The following GALNTL6 variants were observed in gnomAD, a reference collection of about 807,000 sequenced individuals.
GALNTL6 encodes the protein polypeptide N-acetylgalactosaminyltransferase-like 6.
Under a neutral mutation model 73.7 loss-of-function variants are expected in GALNTL6, and 46 were observed. The observed-to-expected ratio is 0.62, with a 90% confidence interval of 0.49 to 0.80. GALNTL6 has a LOEUF of 0.80. Among genes scored for constraint, GALNTL6 ranks in the 30% least tolerant of loss-of-function variants. The pLI is 0.00. For synonymous variants in GALNTL6, 259 were observed against 263.7 expected (o/e 0.98, Z 0.17); for missense variants, 604 against 755.0 (o/e 0.80, Z 2.34).
chr4:172,622,325 AG>A (rs1560840418), intron 5 of GALNTL6, among the ~76,000 whole-genome samples: 1 of 152,216 alleles, frequency 6.6e-6, no homozygotes, highest in Admixed American at 6.5e-5. Context: ...AATGGATAAA[AG>A]TAGACCCACT....
intron 5 of GALNTL6, among the ~76,000 whole-genome samples, chr4:172,786,982 C>T (rs1188795616): frequency 6.6e-6 from 1 of 152,130 alleles, no homozygotes; most frequent in African/African-American, 2.4e-5. Context: ...GATCAGTTAG[C>T]TGTTAGTAAT....
At chr4:172,625,102 A>G (rs1739114921) in intron 5 of GALNTL6, among the ~76,000 whole-genome samples, 2 of 152,032 alleles carry the variant, frequency 1.3e-5, no homozygotes, top group South Asian at 4.1e-4. Context: ...TATGAAATAA[A>G]GAAAAATATA....
chr4:172,664,356 T>G (rs1052097235), intron 5 of GALNTL6, among the ~76,000 whole-genome samples: 1 of 152,224 alleles, frequency 6.6e-6, no homozygotes, highest in Admixed American at 6.5e-5. Context: ...CCTTTAAGTT[T>G]CAGCTTGTGA....
chr4:172,054,748 A>G (rs1269403631), intron 2 of GALNTL6, among the ~76,000 whole-genome samples: 1 of 152,222 alleles, frequency 6.6e-6, no homozygotes, highest in Non-Finnish European at 1.5e-5. Context: ...AAGTAACCGT[A>G]TTCAATAGTA....
intron 5 of GALNTL6, among the ~76,000 whole-genome samples, chr4:172,653,293 G>A (rs369728590): frequency 3.4e-5 from 5 of 148,742 alleles, no homozygotes; most frequent in Non-Finnish European, 7.4e-5. Flanking sequence ...GATGTCAGCT[G>A]ACTGCAACCT....
chr4:172,637,999 A>T (rs1457497157), intron 5 of GALNTL6, among the ~76,000 whole-genome samples: 1 of 152,078 alleles, frequency 6.6e-6, no homozygotes, highest in Non-Finnish European at 1.5e-5. Context: ...CTTATATCCT[A>T]AAATTAGTCT....
chr4:171,968,018 C>T (rs137896212), intron 2 of GALNTL6, among the ~76,000 whole-genome samples: 281 of 152,212 alleles, frequency 1.8e-3, no homozygotes, highest in Admixed American at 3.5e-3. Flanking sequence ...AGAAAGAGCC[C>T]GGTGCGATCT....
At chr4:172,656,194 C>T (rs977583215) in intron 5 of GALNTL6, among the ~76,000 whole-genome samples, 9 of 152,104 alleles carry the variant, frequency 5.9e-5, no homozygotes, top group Non-Finnish European at 1.3e-4. Context: ...AGGGTTGGGT[C>T]TGGGTGATGC....
At chr4:171,870,342 G>C (rs916675260) in intron 2 of GALNTL6, among the ~76,000 whole-genome samples, 7 of 152,096 alleles carry the variant, frequency 4.6e-5, no homozygotes, top group Admixed American at 1.3e-4. Flanking sequence ...ATGCAGATAC[G>C]ATAGAACACA....
chr4:172,958,335 C>G (rs1749859480), intron 10 of GALNTL6, among the ~76,000 whole-genome samples: 1 of 152,104 alleles, frequency 6.6e-6, no homozygotes, highest in Admixed American at 6.5e-5. Context: ...TGTAAGAATT[C>G]CGACTGCACA....
intron 3 of GALNTL6, among the ~76,000 whole-genome samples, chr4:172,266,547 T>TATAAAACTATAAAATACA (rs2111047444): frequency 6.6e-6 from 1 of 152,246 alleles, no homozygotes; most frequent in African/African-American, 2.4e-5. Context: ...GTAAAATAAC[T>TATAAAACTATAAAATACA]ATAAAACATT....
intron 2 of GALNTL6, among the ~76,000 whole-genome samples, chr4:172,002,867 T>G (rs972691640): frequency 6.6e-6 from 1 of 152,146 alleles, no homozygotes; most frequent in Non-Finnish European, 1.5e-5. Flanking sequence ...GTTCTCCCAT[T>G]CTGGTGGCAA....
intron 2 of GALNTL6, among the ~76,000 whole-genome samples, chr4:172,149,426 A>G (rs1228807896): frequency 2.6e-5 from 4 of 152,066 alleles, no homozygotes; most frequent in Non-Finnish European, 5.9e-5. Flanking sequence ...CCTATGGGAC[A>G]TATCTTCTCT....
At position 172,439,172 on chromosome 4, in the gene GALNTL6, T is replaced by TCACACA. The variant is rs57281407; in HGVS notation, c.553+90517_553+90522dup. ...CCAGCTACCCATTTCTCTCTCCCCTTCACACACACACACACACACACACAC... is the reference window on the plus strand; with the variant it reads ...CCAGCTACCCATTTCTCTCTCCCCTTCACACACACACACACACACACACACACACAC... On this transcript the variant is annotated intron_variant, in intron 5 of 12. Coordinates refer to ENST00000506823, the MANE Select transcript of GALNTL6 (RefSeq NM_001034845.3). Among the ~76,000 whole-genome samples the TCACACA allele has an allele frequency of 6.8e-3, 986 of 145,718 alleles. 3 individuals are homozygous for TCACACA. The highest frequency in any genetic ancestry group is 0.017 in the African/African-American group (656 of 39,486).
Position 172,545,930 on chromosome 4 carries a change from G to C in GALNTL6, c.553+197241G>C, listed in dbSNP as rs1735727878. Among the ~76,000 whole-genome samples the C allele has an allele frequency of 2.0e-5, 3 of 152,056 alleles. No homozygotes were observed. In the South Asian group the frequency reaches 6.2e-4, roughly 31 times the overall value. On this transcript the variant is annotated intron_variant, in intron 5 of 12. Transcript: ENST00000506823. ...TATGCAACTTACTCGTTTAGAATAG[G>C]CTTATTACAATAGCAATCATGAAAA...
At chr4:172,590,391 A>G (rs1737588533) in intron 5 of GALNTL6, among the ~76,000 whole-genome samples, 1 of 152,048 alleles carries the variant, frequency 6.6e-6, no homozygotes. Context: ...CTTGTCTGTG[A>G]TATATTCATT....
At chr4:171,838,530 G>A (rs1033894490) in intron 2 of GALNTL6, among the ~76,000 whole-genome samples, 1 of 152,064 alleles carries the variant, frequency 6.6e-6, no homozygotes, top group African/African-American at 2.4e-5. Context: ...CCAGTGCCAA[G>A]AGCCTCATAG....
At chr4:172,298,092 G>C (rs1357860067) in intron 3 of GALNTL6, among the ~76,000 whole-genome samples, 14 of 152,186 alleles carry the variant, frequency 9.2e-5, no homozygotes, top group Non-Finnish European at 1.8e-4. Context: ...TGGATTCCTA[G>C]GTATTTTATT....
intron 2 of GALNTL6, among the ~76,000 whole-genome samples, chr4:172,104,238 C>T (rs748899118): frequency 9.9e-5 from 15 of 152,248 alleles, no homozygotes; most frequent in African/African-American, 3.4e-4. Context: ...CCACCGTGCC[C>T]GGCCTGGGGC....
Sources: gnomAD v4.1 joint callset for allele counts (sites outside exome capture counted in the v4.1 genomes callset) on GRCh38, gnomAD v4.1.1 for gene constraint, MANE v1.5 for transcripts, NCBI Gene and HGNC (gene_info 2026-07-23, HGNC 2026-07-21) for gene names.